PSG9: variants seen among roughly 807,000 people sequenced by gnomAD.
PSG9 encodes the protein pregnancy-specific beta-1-glycoprotein 9.
PSG9 carries 49 observed loss-of-function variants against 41.9 expected under a neutral mutation model. That is an observed-to-expected ratio of 1.17 (90% CI 0.93 to 1.48). The LOEUF (loss-of-function observed/expected upper bound fraction) is 1.48. Ranked by LOEUF, PSG9 falls within the 40% of genes most tolerant of loss-of-function variation. The pLI is 0.00. For synonymous variants in PSG9, 263 were observed against 196.8 expected (o/e 1.34, Z -2.82); for missense variants, 641 against 520.3 (o/e 1.23, Z -2.26).
chr19:43,255,014 C>A (rs1418445611), intron 5 of PSG9, among the ~76,000 whole-genome samples: 1 of 143,012 alleles, frequency 7.0e-6, no homozygotes, highest in African/African-American at 2.7e-5. Flanking sequence ...TTGCTTGAGC[C>A]CAGGAGGTTA....
rs769843149 is a variant in PSG9 at position 43,264,620 on chromosome 19, G to A, written c.431-2482C>T. ...CTACAGGCGCCCACCACCACGCCCG[G>A]CTAATTTTTTGTATTTTTAATAGAG... On this transcript the variant is annotated intron_variant, in intron 2 of 5. Transcript: ENST00000270077. Among the ~76,000 whole-genome samples the A allele has an allele frequency of 7.3e-4, 111 of 152,090 alleles. 1 individual carries two copies. Among genetic ancestry groups the A allele is most frequent in the Admixed American group, 1.1e-3 (17 of 15,270 alleles).
Position 43,269,321 on chromosome 19 carries a change from C to T in PSG9, c.64+47G>A. 1.2e-6 allele frequency: 2 copies of T among 1,612,630 alleles called. 1 individual carries two copies. The highest frequency in any genetic ancestry group is 1.7e-6 in the Non-Finnish European group (2 of 1,179,202). ...TCCTCTCCAGGAGACCCCATCCAGT[C>T]ACTCCGCTTCCTCCCCCTGTCCTCT... On this transcript the variant is annotated intron_variant, in intron 1 of 5. Transcript: ENST00000270077.
In PSG9 at chr19:43,257,629, A is replaced by C. The variant is rs1357180498; in HGVS notation, c.1243+573T>G. 1.5e-5 allele frequency: 15 copies of C among 1,006,260 alleles called. 2 individuals are homozygous for C. Among genetic ancestry groups the C allele is most frequent in the Middle Eastern group, 4.7e-4 (1 of 2,108 alleles). The allele number at this position is 1,006,260 out of a possible 1,614,324, so 62.3% of individuals were successfully genotyped here. On this transcript the variant is annotated intron_variant, in intron 5 of 5. Coordinates refer to ENST00000270077, the MANE Select transcript of PSG9 (RefSeq NM_002784.5). ...TCAACTGGCAGCTCAATTTAGCCAA[A>C]TTCAGGACAGGCCACCAGGGCCCTT...
At chr19:43,263,094 C>T (rs755320338) in intron 2 of PSG9, among the ~76,000 whole-genome samples, 1 of 152,164 alleles carries the variant, frequency 6.6e-6, no homozygotes, top group Non-Finnish European at 1.5e-5. Flanking sequence ...ATTGGACATT[C>T]TACTGTCTGA....
At position 43,254,288 on chromosome 19, in the gene PSG9, A is replaced by G. The variant is rs1395171453; in HGVS notation, c.1244-642T>C. ...GGTGTAAAAACTTTCCTGGTGTCATATGGCTAGTGACAGGTGGATCTGAGA... is the reference window on the plus strand; with the variant it reads ...GGTGTAAAAACTTTCCTGGTGTCATGTGGCTAGTGACAGGTGGATCTGAGA... On this transcript the variant is annotated intron_variant, in intron 5 of 5. Coordinates refer to ENST00000270077, the MANE Select transcript of PSG9 (RefSeq NM_002784.5). 2.7e-5 allele frequency among the ~76,000 whole-genome samples: 4 copies of G among 146,334 alleles called. 1 individual carries two copies. Among genetic ancestry groups the G allele is most frequent in the African/African-American group, 5.2e-5 (2 of 38,502 alleles).
intron 1 of PSG9, among the ~76,000 whole-genome samples, chr19:43,268,596 CTT>C (rs1209123486): frequency 1.3e-5 from 2 of 152,170 alleles, no homozygotes; most frequent in Non-Finnish European, 2.9e-5. Context: ...TTCTACATCT[CTT>C]CGCATGTCTG....
intron 3 of PSG9, chr19:43,259,772 C>A (rs1294042065): frequency 6.6e-6 from 1 of 150,806 alleles, no homozygotes; most frequent in African/African-American, 2.6e-5. Flanking sequence ...GAACCAGTGA[C>A]CTCTAAACAT....
intron 2 of PSG9, among the ~76,000 whole-genome samples, chr19:43,266,727 CT>C (rs1252659452): frequency 1.3e-5 from 2 of 152,084 alleles, no homozygotes; most frequent in Admixed American, 6.5e-5. Flanking sequence ...CAATAAATGA[CT>C]ATGGGGTCCT....
Position 43,262,019 on chromosome 19 carries a change from C to T in PSG9, c.550G>A (p.Gly184Ser), listed in dbSNP as rs373945115. The T allele has an allele frequency of 5.1e-5, 82 of 1,613,892 alleles. No homozygotes were observed. Among genetic ancestry groups the T allele is most frequent in the Non-Finnish European group, 6.7e-5 (79 of 1,179,934 alleles). The change falls in exon 3 of 6, where the codon GGT becomes AGT. Residue 184 changes from glycine to serine, a missense_variant. By Grantham distance (56) the Gly-to-Ser change is moderately conservative (BLOSUM62 0). Coordinates refer to ENST00000270077, the MANE Select transcript of PSG9 (RefSeq NM_002784.5). ...CTGTGAGTCACAGGGAGGCTCTGAC[C>T]ATTCATCCACCATAGGTAGCTTGCG... ...LDASYLWWMN[G>S]QSLPVTHRLQ...
chr19:43,263,280 A>G (rs746507099), intron 2 of PSG9, among the ~76,000 whole-genome samples: 2 of 152,296 alleles, frequency 1.3e-5, no homozygotes, highest in East Asian at 3.9e-4. Flanking sequence ...CTTCATGCCT[A>G]TAGTTCATAC....
chr19:43,260,469 G>T (rs866245169), intron 3 of PSG9: 1 of 148,416 alleles, frequency 6.7e-6, no homozygotes, highest in South Asian at 2.1e-4. Flanking sequence ...AAAGTGGGAG[G>T]TGATAAGCCA....
At chr19:43,267,505 AT>A (rs1055840040) in intron 2 of PSG9, among the ~76,000 whole-genome samples, 1 of 152,128 alleles carries the variant, frequency 6.6e-6, no homozygotes, top group African/African-American at 2.4e-5. Context: ...TGAAGAGGGC[AT>A]GATGTGCTTG....
chr19:43,266,074 G>A (rs565941486), intron 2 of PSG9, among the ~76,000 whole-genome samples: 10 of 151,852 alleles, frequency 6.6e-5, no homozygotes, highest in African/African-American at 2.4e-4. Context: ...AGAATGAAGT[G>A]GGAGGAAGAT....
chr19:43,264,142 C>T (rs1417371171), intron 2 of PSG9, among the ~76,000 whole-genome samples: 6 of 152,044 alleles, frequency 3.9e-5, no homozygotes, highest in African/African-American at 7.2e-5. Context: ...TTGTATGAGA[C>T]ACAGGCAGTA....
Position 43,253,666 on chromosome 19 carries a change from G to A in PSG9, c.1244-20C>T, listed in dbSNP as rs368947922. 2.6e-5 allele frequency: 32 copies of A among 1,217,262 alleles called. 2 individuals carry two copies. The highest frequency in any genetic ancestry group is 6.1e-5 in the East Asian group (2 of 33,038). 75.4% of individuals were successfully genotyped at this position (1,217,262 alleles called of 1,614,324 possible). On this transcript the variant is annotated intron_variant, in intron 5 of 5. Transcript: ENST00000270077. ...AGGGACCTGATTGACAGAAGGCCCA[G>A]GTCAGTGCATTTCAAATTCACTACC... is the stretch of plus-strand genomic sequence containing the variant.
At chr19:43,263,046 C>T (rs530878769) in intron 2 of PSG9, among the ~76,000 whole-genome samples, 1 of 152,254 alleles carries the variant, frequency 6.6e-6, no homozygotes, top group East Asian at 1.9e-4. Flanking sequence ...GGATATTAGA[C>T]CAATATTTGG....
chr19:43,268,173 T>A, intron 1 of PSG9, 24 bp from the exon 2 acceptor site: 20 of 1,575,508 alleles, frequency 1.3e-5, no homozygotes, highest in Non-Finnish European at 1.7e-5. Context: ...ACAGCATCAG[T>A]TAATATTGAG....
At chr19:43,262,182 G>A (rs1422414792) in intron 2 of PSG9, 44 bp from the exon 3 acceptor site, 1 of 1,586,750 alleles carries the variant, frequency 6.3e-7, no homozygotes, top group African/African-American at 1.3e-5. Context: ...TGGCACCTTT[G>A]ATTCCTCCAA....
rs765310727 is a variant in PSG9 at position 43,261,928 on chromosome 19, G to T, written c.641C>A (p.Pro214His). The change falls in exon 3 of 6, where the codon CCC (proline) becomes CAC (histidine). Residue 214 changes from proline (P) to histidine (H), a missense_variant. Coordinates refer to ENST00000270077, the MANE Select transcript of PSG9 (RefSeq NM_002784.5). ...TGGGTTCCGTATTTCACATTCATAG[G>T]GTCCTGCAATATACTTTGTGACACC... is the stretch of plus-strand genomic sequence containing the variant. ...LFGVTKYIAG[P>H]YECEIRNPVS... The T allele has an allele frequency of 1.2e-6, 2 of 1,613,888 alleles. No individual in the cohort carries two copies. The highest frequency in any genetic ancestry group is 1.3e-5 in the African/African-American group (1 of 74,882).
Sources: gnomAD v4.1 joint callset for allele counts (sites outside exome capture counted in the v4.1 genomes callset) on GRCh38, gnomAD v4.1.1 for gene constraint, MANE v1.5 for transcripts, NCBI Gene and HGNC (gene_info 2026-07-23, HGNC 2026-07-21) for gene names.